The following DCC variants were observed in gnomAD, a reference collection of about 807,000 sequenced individuals.
DCC encodes netrin receptor DCC.
In DCC, 58 loss-of-function variants were observed where a neutral mutation model predicts 172.5. The ratio of observed to expected loss-of-function variants is 0.34; its 90% CI spans 0.27 to 0.42. The LOEUF (loss-of-function observed/expected upper bound fraction) is 0.42. Among genes scored for constraint, DCC ranks in the 10% least tolerant of loss-of-function variants. The pLI, the probability that DCC is intolerant of heterozygous loss-of-function variation, is 1.00. For synonymous variants in DCC, 709 were observed against 644.5 expected, an observed-to-expected ratio of 1.10 and a Z score of -1.52; for missense variants, 1,740 against 1,791.0, an observed-to-expected ratio of 0.97 and a Z score of 0.51.
rs35779527 is a variant in DCC at position 53,385,021 on chromosome 18, C to CTTTTTTTT, written c.2360-1012_2360-1005dup. Among the ~76,000 whole-genome samples the CTTTTTTTT allele has an allele frequency of 1.4e-3, 182 of 130,438 alleles. 1 individual carries two copies. The highest frequency in any genetic ancestry group is 0.013 in the Middle Eastern group (3 of 240). The allele number at this position is 130,438 out of a possible 152,430, so 85.6% of individuals were successfully genotyped here. A position where few individuals can be genotyped will look rare whatever the true frequency, so the allele number is the denominator to read the frequency against. On this transcript the variant is annotated intron_variant, in intron 15 of 28. Coordinates refer to ENST00000442544, the MANE Select transcript of DCC (RefSeq NM_005215.4). The stretch of plus-strand genomic sequence containing the variant: ...GCCACAGTGCCCGGCTAATTTTTTT[C>CTTTTTTTT]TTTTTTTTTTTTTTTTTGTATTTTT...
intron 25 of DCC, among the ~76,000 whole-genome samples, chr18:53,471,341 C>T (rs576238953): frequency 1.1e-4 from 17 of 152,134 alleles, no homozygotes; most frequent in African/African-American, 4.1e-4. Context: ...TTTAAATGTA[C>T]AATTAAGTTA....
At chr18:52,801,284 AAGTC>A (rs1219903383) in intron 2 of DCC, among the ~76,000 whole-genome samples, 2 of 152,170 alleles carry the variant, frequency 1.3e-5, no homozygotes, top group Admixed American at 1.3e-4. Context: ...CCTCTTCAAG[AAGTC>A]ATGTCTTTTA....
At chr18:53,102,824 C>T (rs1022916263) in intron 7 of DCC, among the ~76,000 whole-genome samples, 1 of 151,034 alleles carries the variant, frequency 6.6e-6, no homozygotes, top group African/African-American at 2.5e-5. Context: ...CACCCAAAGG[C>T]TACCATGAAG....
intron 1 of DCC, among the ~76,000 whole-genome samples, chr18:52,350,747 T>C (rs1984083599): frequency 6.6e-6 from 1 of 152,300 alleles, no homozygotes; most frequent in South Asian, 2.1e-4. Flanking sequence ...CTAAATTGAT[T>C]GGACCAAAAA....
Position 52,435,285 on chromosome 18 carries a change from C to T in DCC, c.91+94407C>T, listed in dbSNP as rs1248351758. On this transcript the variant is annotated intron_variant, in intron 1 of 28. Coordinates refer to ENST00000442544, the MANE Select transcript of DCC (RefSeq NM_005215.4). ...CCAAGAAACTCCCAGTCCCTCTTGC[C>T]TGTGTGTGTGTGTGCACGTGTGTGT... is the stretch of plus-strand genomic sequence containing the variant. Among the ~76,000 whole-genome samples the T allele has an allele frequency of 3.3e-5, 5 of 151,716 alleles. No homozygotes were observed. The East Asian group carries it at 9.7e-4, about 29-fold the overall frequency.
intron 1 of DCC, among the ~76,000 whole-genome samples, chr18:52,497,080 T>C (rs75983207): frequency 0.12 from 17,829 of 150,604 alleles, 1,108 homozygotes; most frequent in South Asian, 0.18. Flanking sequence ...ATGACAAGAC[T>C]TCATCCCTTA....
intron 5 of DCC, among the ~76,000 whole-genome samples, chr18:52,989,585 T>C (rs990336365): frequency 5.3e-5 from 8 of 152,162 alleles, no homozygotes; most frequent in Admixed American, 3.9e-4. Flanking sequence ...ACATTGGAAA[T>C]AAATTGCACC....
chr18:53,460,056 G>GGA (rs1491228541), intron 24 of DCC, among the ~76,000 whole-genome samples: 25 of 75,986 alleles, frequency 3.3e-4, no homozygotes, highest in African/African-American at 1.2e-3. Context: ...AAAGGGATCT[G>GGA]AAAAAAAAAA....
chr18:53,496,035 CA>C (rs942567210), intron 26 of DCC, among the ~76,000 whole-genome samples: 1 of 152,170 alleles, frequency 6.6e-6, no homozygotes, highest in African/African-American at 2.4e-5. Flanking sequence ...ACAGCTTCAG[CA>C]GACCTAAACG....
intron 7 of DCC, among the ~76,000 whole-genome samples, chr18:53,153,750 T>C (rs1049737338): frequency 6.6e-5 from 10 of 152,188 alleles, no homozygotes; most frequent in Non-Finnish European, 1.5e-4. Flanking sequence ...GTAGGAGTTA[T>C]ACAGATGAGT....
chr18:53,047,008 C>A (rs545982961), intron 5 of DCC, among the ~76,000 whole-genome samples: 4 of 151,206 alleles, frequency 2.6e-5, no homozygotes, highest in Non-Finnish European at 5.9e-5. Context: ...TTCTGTTGTT[C>A]TTTTCTCCAC....
intron 2 of DCC, among the ~76,000 whole-genome samples, chr18:52,765,669 A>C (rs1439818191): frequency 6.6e-6 from 1 of 152,150 alleles, no homozygotes; most frequent in Admixed American, 6.5e-5. Context: ...CCCTGGCCAA[A>C]GATCTCATAA....
At chr18:53,005,952 C>G in intron 5 of DCC, among the ~76,000 whole-genome samples, 1 of 152,038 alleles carries the variant, frequency 6.6e-6, no homozygotes, top group Non-Finnish European at 1.5e-5. Flanking sequence ...CAATGGGATT[C>G]CTATAGTATG....
chr18:52,591,805 G>C (rs1212211129), intron 1 of DCC, among the ~76,000 whole-genome samples: 1 of 96,676 alleles, frequency 1.0e-5, no homozygotes, highest in Non-Finnish European at 2.1e-5. Flanking sequence ...TTTTTTTTTC[G>C]GTAGTAACGG....
At chr18:53,292,375 G>A (rs2057015954) in intron 12 of DCC, among the ~76,000 whole-genome samples, 1 of 152,040 alleles carries the variant, frequency 6.6e-6, no homozygotes, top group Admixed American at 6.6e-5. Context: ...CTGAATATGG[G>A]AAAATTTACT....
At chr18:52,882,643 A>C (rs1262540891) in intron 2 of DCC, among the ~76,000 whole-genome samples, 1 of 151,964 alleles carries the variant, frequency 6.6e-6, no homozygotes, top group Non-Finnish European at 1.5e-5. Context: ...TATTAGTTTC[A>C]TTTTTTGAAA....
chr18:53,369,274 T>A (rs945502396), intron 15 of DCC, among the ~76,000 whole-genome samples: 5 of 151,990 alleles, frequency 3.3e-5, no homozygotes, highest in Admixed American at 2.6e-4. Context: ...TTTTTTGTGT[T>A]ATTTTGCTAA....
chr18:53,495,457 T>G (rs927598031), intron 26 of DCC, among the ~76,000 whole-genome samples: 1 of 152,026 alleles, frequency 6.6e-6, no homozygotes, highest in Non-Finnish European at 1.5e-5. Context: ...CCACTCTTTC[T>G]GGCTTATAGA....
intron 2 of DCC, among the ~76,000 whole-genome samples, chr18:52,783,781 G>A (rs2037600927): frequency 6.6e-6 from 1 of 151,846 alleles, no homozygotes; most frequent in Non-Finnish European, 1.5e-5. Context: ...ATACTTCACT[G>A]TGCCTTACAG....
Sources: allele counts gnomAD v4.1 joint callset (sites outside exome capture counted in the v4.1 genomes callset), GRCh38; gene constraint gnomAD v4.1.1; transcripts MANE v1.5; gene names NCBI Gene and HGNC (gene_info 2026-07-23, HGNC 2026-07-21).